TMC7: variants seen among roughly 807,000 people sequenced by gnomAD.
The protein encoded by TMC7 is transmembrane channel like 7, also known as transmembrane channel-like protein 7.
Under a neutral mutation model 82.9 loss-of-function variants are expected in TMC7, and 54 were observed. That is an observed-to-expected ratio of 0.65 (90% CI 0.52 to 0.82). TMC7 has a LOEUF of 0.82. Ranked by LOEUF, TMC7 falls within the 40% of genes least tolerant of loss-of-function variation. The pLI, the probability that TMC7 is intolerant of heterozygous loss-of-function variation, is 0.00. For synonymous variants in TMC7, 350 were observed against 337.9 expected (o/e 1.04, Z -0.39); for missense variants, 820 against 901.2 (o/e 0.91, Z 1.15).
At chr16:19,020,394 A>AT (rs540429423) in intron 3 of TMC7, among the ~76,000 whole-genome samples, 46 of 150,904 alleles carry the variant, frequency 3.0e-4, no homozygotes, top group Non-Finnish European at 5.9e-4. Context: ...ATAAAATGTC[A>AT]TTTTTTTTTG....
At chr16:19,045,283 C>G (rs1162650205) in intron 10 of TMC7, 58 bp from the exon 11 acceptor site, 1 of 1,406,782 alleles carries the variant, frequency 7.1e-7, no homozygotes, top group Admixed American at 1.7e-5. Context: ...TCTTGGGAGC[C>G]TGGTTTTCTC....
chr16:19,042,075 T>A (rs1407323519), intron 9 of TMC7, among the ~76,000 whole-genome samples: 1 of 152,154 alleles, frequency 6.6e-6, no homozygotes, highest in Non-Finnish European at 1.5e-5. Flanking sequence ...TCATCAGGGG[T>A]GCCGTGTCCT....
At chr16:19,026,547 A>C (rs1397326988) in intron 5 of TMC7, among the ~76,000 whole-genome samples, 2 of 152,038 alleles carry the variant, frequency 1.3e-5, no homozygotes, top group Admixed American at 1.3e-4. Context: ...TCTTTAGATT[A>C]CATCCCACAA....
At chr16:19,014,435 C>T (rs1472005471) in intron 2 of TMC7, among the ~76,000 whole-genome samples, 1 of 152,204 alleles carries the variant, frequency 6.6e-6, no homozygotes, top group Non-Finnish European at 1.5e-5. Flanking sequence ...ACCCAATGCA[C>T]AGCACTGCGA....
At chr16:18,992,969 G>A (rs2038978299) in intron 1 of TMC7, among the ~76,000 whole-genome samples, 1 of 152,010 alleles carries the variant, frequency 6.6e-6, no homozygotes, top group Non-Finnish European at 1.5e-5. Flanking sequence ...CTCTTTTTTG[G>A]TACCAGTACC....
chr16:18,991,740 C>G (rs368777865), intron 1 of TMC7, among the ~76,000 whole-genome samples: 1 of 151,388 alleles, frequency 6.6e-6, no homozygotes, highest in Non-Finnish European at 1.5e-5. Context: ...CCCCCGTCCC[C>G]GCACCGCACA....
intron 2 of TMC7, among the ~76,000 whole-genome samples, chr16:19,011,728 A>G (rs971957855): frequency 1.4e-4 from 22 of 152,180 alleles, no homozygotes; most frequent in Middle Eastern, 6.8e-3. Flanking sequence ...TATGAAGAAA[A>G]TAGCAAAACA....
Position 19,023,125 on chromosome 16 carries a change from C to T in TMC7, c.641C>T (p.Thr214Ile). The T allele has an allele frequency of 6.2e-7, 1 of 1,603,390 alleles. No homozygotes were observed. The highest frequency in any genetic ancestry group is 8.5e-7 in the Non-Finnish European group (1 of 1,172,212). ...IPFKDMDKQC[T>I]VYPVSSSGLI... ...TTGTTTCTTACAGATAAACAATGTA[C>T]AGTCTATCCAGTAAGCAGTTCTGGA... The change falls in exon 5 of 16, where the codon ACA becomes ATA. Residue 214 changes from threonine (T) to isoleucine (I), a missense_variant. By Grantham distance (89) the Thr-to-Ile change is moderately conservative. Around this residue, in one of 2 missense-constraint regions of TMC7, gnomAD observed 650 missense variants for 669.9 expected, o/e 0.97. Transcript: ENST00000304381.
intron 12 of TMC7, among the ~76,000 whole-genome samples, chr16:19,050,513 C>T (rs771397485): frequency 3.3e-5 from 5 of 151,276 alleles, no homozygotes; most frequent in South Asian, 2.1e-4. Context: ...TTTTTTGAGA[C>T]GGGGTCTCAC....
At chr16:19,026,854 T>C (rs1215815504) in intron 5 of TMC7, among the ~76,000 whole-genome samples, 2 of 151,842 alleles carry the variant, frequency 1.3e-5, no homozygotes, top group Non-Finnish European at 2.9e-5. Context: ...CTCTGCCCCC[T>C]GGGTTCAAGC....
chr16:19,054,673 C>T (rs1019059368), intron 13 of TMC7, among the ~76,000 whole-genome samples: 1 of 150,422 alleles, frequency 6.6e-6, no homozygotes, highest in Non-Finnish European at 1.5e-5. Context: ...CGAGATTGCA[C>T]CAATGCCACT....
chr16:19,051,239 T>A (rs1596793855), intron 12 of TMC7, among the ~76,000 whole-genome samples: 1 of 3,626 alleles, frequency 2.8e-4, no homozygotes, highest in Non-Finnish European at 0.014. Flanking sequence ...CACCAAAATC[T>A]TTTTTTTTTT....
At chr16:19,027,183 C>T (rs937526568) in intron 5 of TMC7, among the ~76,000 whole-genome samples, 3 of 146,426 alleles carry the variant, frequency 2.0e-5, no homozygotes, top group African/African-American at 7.5e-5. Flanking sequence ...AATTCTTGTG[C>T]CTCAGCCTCC....
rs539618130 is a variant in TMC7, at chr16:18,998,749, G to A, written c.68-10423G>A. Among the ~76,000 whole-genome samples the A allele has an allele frequency of 3.3e-3, 143 of 43,806 alleles. 2 individuals carry two copies. The highest frequency in any genetic ancestry group is 8.1e-3 in the African/African-American group (130 of 16,004). 28.7% of individuals were successfully genotyped at this position (43,806 alleles called of 152,430 possible). A position where few individuals can be genotyped will look rare whatever the true frequency, so the allele number is the denominator to read the frequency against. On this transcript the variant is annotated intron_variant, in intron 1 of 15. Transcript: ENST00000304381. ...AGCCTGGGTGACAGAGTGAGACTCT[G>A]TCTCAAAAAAAAAAAAAGAAAAGCA...
At position 19,059,489 on chromosome 16, in the gene TMC7, T is replaced by C; in HGVS notation, c.2101T>C (p.Ser701Pro). 1.2e-6 allele frequency: 2 copies of C among 1,614,148 alleles called. No individual in the cohort carries two copies. The highest frequency in any genetic ancestry group is 1.7e-6 in the Non-Finnish European group (2 of 1,180,030). ...RVVIQLREQLSLESRDKCYLI... is the reference protein window; with the variant it reads ...RVVIQLREQLPLESRDKCYLI... ...GGTCATCCAGCTCCGAGAGCAGCTA[T>C]CCCTGGTAAGGAAGCATAGCTCCAG... is the stretch of plus-strand genomic sequence containing the variant. The change falls in exon 15 of 16, where the codon TCC becomes CCC. Residue 701 changes from serine (S) to proline (P), a missense_variant. This residue lies in a region of TMC7 where 170 missense variants were observed against 231.3 expected (regional missense o/e 0.74). Transcript: ENST00000304381.
At chr16:19,047,804 C>A (rs559415845) in intron 12 of TMC7, among the ~76,000 whole-genome samples, 351 of 151,776 alleles carry the variant, frequency 2.3e-3, no homozygotes, top group Non-Finnish European at 2.9e-3. Context: ...CCTCTGCCCC[C>A]CCAGGTTCGA....
chr16:19,057,815 A>G (rs940413143), intron 14 of TMC7, among the ~76,000 whole-genome samples: 3 of 152,220 alleles, frequency 2.0e-5, no homozygotes, highest in African/African-American at 7.2e-5. Flanking sequence ...CCTTCCCTTC[A>G]TTCAGTGAGG....
intron 10 of TMC7, 112 bp from the exon 11 acceptor site, chr16:19,045,229 A>C: frequency 1.1e-6 from 1 of 944,718 alleles, no homozygotes. Context: ...TGATGCCCTC[A>C]CTGGAGCCAC....
chr16:19,011,371 A>T (rs1689245722), intron 2 of TMC7, among the ~76,000 whole-genome samples: 1 of 152,128 alleles, frequency 6.6e-6, no homozygotes, highest in African/African-American at 2.4e-5. Flanking sequence ...GGTCAGTAGC[A>T]TAAATGCATT....
Sources: gnomAD v4.1 joint callset for allele counts (sites outside exome capture counted in the v4.1 genomes callset) on GRCh38, gnomAD v4.1.1 for gene constraint, gnomAD v4.1.1 regional missense constraint, MANE v1.5 for transcripts, NCBI Gene and HGNC (gene_info 2026-07-23, HGNC 2026-07-21) for gene names.